MARK3: variants seen among roughly 807,000 people sequenced by gnomAD.
MARK3 encodes MAP/microtubule affinity-regulating kinase 3.
In MARK3, 46 loss-of-function variants were observed where a neutral mutation model predicts 90.1. That is an observed-to-expected ratio of 0.51 (90% CI 0.40 to 0.65). The LOEUF (loss-of-function observed/expected upper bound fraction) is 0.65. MARK3 is among the 30% of genes least tolerant of loss of function. The pLI is 0.00. For synonymous variants in MARK3, 321 were observed against 332.6 expected, an observed-to-expected ratio of 0.97 and a Z score of 0.38; for missense variants, 818 against 947.2, an observed-to-expected ratio of 0.86 and a Z score of 1.79.
chr14:103,452,892 G>A (rs1410898472), intron 5 of MARK3, among the ~76,000 whole-genome samples: 2 of 152,220 alleles, frequency 1.3e-5, no homozygotes, highest in East Asian at 1.9e-4. Context: ...CATTGTGTGT[G>A]TGGGACACAC....
chr14:103,421,819 C>T (rs144269511), intron 2 of MARK3, among the ~76,000 whole-genome samples: 21 of 152,236 alleles, frequency 1.4e-4, no homozygotes, highest in African/African-American at 4.6e-4. Flanking sequence ...TATCAGGTGG[C>T]AGGACAGAGA....
At chr14:103,399,034 T>C (rs1237930266) in intron 1 of MARK3, among the ~76,000 whole-genome samples, 9 of 152,222 alleles carry the variant, frequency 5.9e-5, no homozygotes, top group Non-Finnish European at 1.0e-4. Flanking sequence ...ATTCTTCTCA[T>C]GTGGGAGGTA....
chr14:103,467,887 T>C, intron 11 of MARK3, 146 bp from the exon 12 acceptor site: 1 of 688,280 alleles, frequency 1.5e-6, no homozygotes, highest in Non-Finnish European at 2.3e-6. Flanking sequence ...TGCTTGAGTT[T>C]AGGGTTGTCA....
intron 15 of MARK3, among the ~76,000 whole-genome samples, chr14:103,497,595 T>TCA (rs1302492770): frequency 2.0e-5 from 3 of 152,230 alleles, no homozygotes; most frequent in Non-Finnish European, 4.4e-5. Flanking sequence ...ATTCATACTG[T>TCA]TGTCTTGACA....
intron 13 of MARK3, among the ~76,000 whole-genome samples, chr14:103,479,531 G>A (rs2093778936): frequency 6.6e-6 from 1 of 151,302 alleles, no homozygotes; most frequent in South Asian, 2.1e-4. Flanking sequence ...AGCTTTCCTA[G>A]CAGGTATGAA....
rs759932678 is a variant in MARK3, at chr14:103,468,314, C to CTT, written c.1264+155_1264+156dup. On this transcript the variant is annotated intron_variant, in intron 12 of 17. Coordinates refer to ENST00000429436, the MANE Select transcript of MARK3 (RefSeq NM_001128918.3). ...CTTGGCATTGCTTTCTTTCTTTCTT[C>CTT]TTTTTTTTTTTTTTTTTTTTTTTTT... The CTT allele has an allele frequency of 2.7e-3, 313 of 116,046 alleles. 12 individuals carry two copies. Among genetic ancestry groups the CTT allele is most frequent in the East Asian group, 6.2e-3 (27 of 4,366 alleles). The allele number at this position is 116,046 out of a possible 1,614,324, so 7.2% of individuals were successfully genotyped here. A position where few individuals can be genotyped will look rare whatever the true frequency, so the allele number is the denominator to read the frequency against.
At position 103,475,536 on chromosome 14, in the gene MARK3, T is replaced by A. The variant is rs2093699703; in HGVS notation, c.1482+326T>A. 1.3e-5 allele frequency among the ~76,000 whole-genome samples: 2 copies of A among 152,190 alleles called. 1 individual carries two copies. Among genetic ancestry groups the A allele is most frequent in the South Asian group, 4.1e-4 (2 of 4,830 alleles). ...AGTTCCGTGTCTGGCAAGGGCCCTG[T>A]TCTCTGCTTCCAACATGATGCCTTG... On this transcript the variant is annotated intron_variant, in intron 13 of 17. Coordinates refer to ENST00000429436, the MANE Select transcript of MARK3 (RefSeq NM_001128918.3).
chr14:103,404,476 A>G (rs1003560008), intron 1 of MARK3, among the ~76,000 whole-genome samples: 1 of 152,212 alleles, frequency 6.6e-6, no homozygotes, highest in Non-Finnish European at 1.5e-5. Context: ...AATATTTCAT[A>G]GGGTAGAGAC....
At chr14:103,400,172 G>A (rs2090865065) in intron 1 of MARK3, among the ~76,000 whole-genome samples, 2 of 152,050 alleles carry the variant, frequency 1.3e-5, no homozygotes, top group Admixed American at 1.3e-4. Flanking sequence ...CAGGTGATCT[G>A]CTAGCCTTGG....
chr14:103,435,415 A>T (rs1053381329), intron 3 of MARK3, among the ~76,000 whole-genome samples: 36 of 150,788 alleles, frequency 2.4e-4, no homozygotes, highest in Middle Eastern at 3.5e-3. Context: ...TTATTTATTT[A>T]TTTATTTTTT....
chr14:103,493,403 G>C (rs1010559080), intron 15 of MARK3, among the ~76,000 whole-genome samples: 29 of 151,880 alleles, frequency 1.9e-4, no homozygotes, highest in African/African-American at 6.8e-4. Flanking sequence ...CGCATCAGAA[G>C]GTTTCTATTT....
intron 13 of MARK3, 55 bp from the exon 14 acceptor site, chr14:103,480,332 C>A: frequency 9.7e-7 from 1 of 1,035,588 alleles, no homozygotes; most frequent in Non-Finnish European, 1.5e-6. Context: ...TTCATTTTTT[C>A]TCATTGTACT....
At chr14:103,468,916 A>G (rs1184934975) in intron 12 of MARK3, among the ~76,000 whole-genome samples, 2 of 151,604 alleles carry the variant, frequency 1.3e-5, no homozygotes, top group African/African-American at 2.4e-5. Context: ...GACGTGAGCC[A>G]CCATGCCCAG....
intron 1 of MARK3, among the ~76,000 whole-genome samples, chr14:103,403,870 G>T (rs2091115552): frequency 6.6e-6 from 1 of 152,168 alleles, no homozygotes; most frequent in East Asian, 1.9e-4. Flanking sequence ...GCCTAGATTT[G>T]CAGTGAGGTC....
At chr14:103,404,131 A>G (rs1047955250) in intron 1 of MARK3, among the ~76,000 whole-genome samples, 2 of 152,254 alleles carry the variant, frequency 1.3e-5, no homozygotes, top group African/African-American at 4.8e-5. Flanking sequence ...ACTTTAAAAC[A>G]CCTGAGTTTC....
chr14:103,442,058 G>A (rs1009583607), intron 3 of MARK3, among the ~76,000 whole-genome samples: 5 of 152,026 alleles, frequency 3.3e-5, no homozygotes, highest in Middle Eastern at 3.4e-3. Flanking sequence ...GGGGGAAAAG[G>A]TACATATCTT....
At chr14:103,433,847 A>G (rs1160616504) in intron 3 of MARK3, among the ~76,000 whole-genome samples, 1 of 152,120 alleles carries the variant, frequency 6.6e-6, no homozygotes, top group Non-Finnish European at 1.5e-5. Context: ...CCTGGGGCCT[A>G]ATGCAGGAGT....
chr14:103,470,862 T>A (rs2093614894), intron 12 of MARK3, among the ~76,000 whole-genome samples: 1 of 152,208 alleles, frequency 6.6e-6, no homozygotes, highest in Admixed American at 6.5e-5. Flanking sequence ...GCTTTGATTT[T>A]GTACTAAAAA....
chr14:103,441,329 G>C (rs2092848800), intron 3 of MARK3: 1 of 152,120 alleles, frequency 6.6e-6, no homozygotes, highest in African/African-American at 2.4e-5. Flanking sequence ...CTGTCACCCA[G>C]GCTGGGGTGC....
Sources: allele counts gnomAD v4.1 joint callset (sites outside exome capture counted in the v4.1 genomes callset), GRCh38; gene constraint gnomAD v4.1.1; transcripts MANE v1.5; gene names NCBI Gene and HGNC (gene_info 2026-07-23, HGNC 2026-07-21).